The following ASAP1 variants were observed in gnomAD, a reference collection of about 807,000 sequenced individuals.
The protein encoded by ASAP1 is arf-GAP with SH3 domain, ANK repeat and PH domain-containing protein 1.
ASAP1 carries 43 observed loss-of-function variants against 145.2 expected under a neutral mutation model. The observed-to-expected ratio is 0.30, with a 90% CI of 0.23 to 0.38. ASAP1 has a LOEUF of 0.38. ASAP1 is among the 10% of genes least tolerant of loss of function. The pLI is 1.00. For missense variants in ASAP1, 1,018 were observed against 1,355.3 expected, an observed-to-expected ratio of 0.75 and a Z score of 3.91; for synonymous variants, 546 against 515.5, an observed-to-expected ratio of 1.06 and a Z score of -0.80.
intron 3 of ASAP1, among the ~76,000 whole-genome samples, chr8:130,246,417 G>A (rs189934639): frequency 1.4e-4 from 22 of 152,268 alleles, no homozygotes; most frequent in African/African-American, 5.1e-4. Context: ...ATCCCCACAT[G>A]TCAGGGAAGG....
At chr8:130,122,489 A>C (rs1179064669) in intron 18 of ASAP1, among the ~76,000 whole-genome samples, 1 of 152,190 alleles carries the variant, frequency 6.6e-6, no homozygotes, top group African/African-American at 2.4e-5. Flanking sequence ...CAATAATAAT[A>C]ATAACAGATA....
chr8:130,061,330 TAGAAAC>T (rs1343650640), intron 27 of ASAP1, among the ~76,000 whole-genome samples: 2 of 152,108 alleles, frequency 1.3e-5, no homozygotes, highest in Admixed American at 6.6e-5. Flanking sequence ...AAAAAATAAA[TAGAAAC>T]AGATTGCAGA....
chr8:130,159,805 A>G, intron 12 of ASAP1, 59 bp downstream of exon 12: 1 of 1,353,286 alleles, frequency 7.4e-7, no homozygotes, highest in Non-Finnish European at 1.1e-6. Flanking sequence ...TATATGAGAG[A>G]CTGGAAACAT....
At chr8:130,350,593 T>C (rs566318238) in intron 3 of ASAP1, among the ~76,000 whole-genome samples, 1 of 152,328 alleles carries the variant, frequency 6.6e-6, no homozygotes, top group South Asian at 2.1e-4. Flanking sequence ...ATCAAACACA[T>C]TTGGCATGAG....
chr8:130,139,223 G>A (rs962338466), intron 13 of ASAP1, among the ~76,000 whole-genome samples: 1 of 152,152 alleles, frequency 6.6e-6, no homozygotes, highest in Non-Finnish European at 1.5e-5. Flanking sequence ...GCTAGGGGGT[G>A]ACTTAATGAC....
intron 24 of ASAP1, among the ~76,000 whole-genome samples, chr8:130,101,732 ATTTTTTT>A (rs59778799): frequency 3.4e-5 from 3 of 86,968 alleles, no homozygotes; most frequent in African/African-American, 5.5e-5. Flanking sequence ...CACCTGGTTA[ATTTTTTT>A]TTTTTTTTTT....
chr8:130,054,845 G>C, intron 29 of ASAP1, 40 bp from the exon 30 acceptor site: 1 of 1,554,078 alleles, frequency 6.4e-7, no homozygotes, highest in Non-Finnish European at 8.9e-7. Context: ...GGAGGCAGCA[G>C]GCAGTGGCCC....
intron 27 of ASAP1, among the ~76,000 whole-genome samples, chr8:130,061,428 C>T (rs2097419313): frequency 6.6e-6 from 1 of 152,078 alleles, no homozygotes; most frequent in South Asian, 2.1e-4. Context: ...TTTTAATTTT[C>T]CTATATATTT....
chr8:130,339,047 G>A (rs1825214423), intron 3 of ASAP1, among the ~76,000 whole-genome samples: 1 of 152,224 alleles, frequency 6.6e-6, no homozygotes, highest in African/African-American at 2.4e-5. Context: ...CACCTGAGGA[G>A]AGAGGGGGAA....
At chr8:130,093,032 C>G (rs1431118474) in intron 24 of ASAP1, among the ~76,000 whole-genome samples, 1 of 151,844 alleles carries the variant, frequency 6.6e-6, no homozygotes, top group African/African-American at 2.4e-5. Flanking sequence ...TCCAAAAACC[C>G]TTTGCTCTAG....
intron 1 of ASAP1, among the ~76,000 whole-genome samples, chr8:130,430,265 T>G (rs528807417): frequency 2.6e-5 from 4 of 152,216 alleles, no homozygotes; most frequent in African/African-American, 9.7e-5. Flanking sequence ...TAAGTGGATA[T>G]GAAGGACTCA....
At chr8:130,384,761 C>T (rs1827935146) in intron 2 of ASAP1, among the ~76,000 whole-genome samples, 1 of 152,176 alleles carries the variant, frequency 6.6e-6, no homozygotes, top group Admixed American at 6.5e-5. Flanking sequence ...GAATGTTGGG[C>T]AAGTTACCCT....
chr8:130,328,543 G>A (rs1272990153), intron 3 of ASAP1, among the ~76,000 whole-genome samples: 1 of 151,852 alleles, frequency 6.6e-6, no homozygotes, highest in Non-Finnish European at 1.5e-5. Flanking sequence ...TTATTTTCAT[G>A]AGAGATGTGG....
At chr8:130,166,943 T>C (rs548922470) in intron 11 of ASAP1, among the ~76,000 whole-genome samples, 24 of 152,200 alleles carry the variant, frequency 1.6e-4, no homozygotes, top group Non-Finnish European at 2.6e-4. Context: ...AAGAGGAAAG[T>C]TGTAGAATGT....
At chr8:130,091,074 T>C (rs1040028061) in intron 25 of ASAP1, among the ~76,000 whole-genome samples, 2 of 152,202 alleles carry the variant, frequency 1.3e-5, no homozygotes, top group African/African-American at 4.8e-5. Flanking sequence ...CCCTTGTAGA[T>C]GGGAATTTGT....
intron 3 of ASAP1, among the ~76,000 whole-genome samples, chr8:130,323,358 T>G (rs879308857): frequency 1.3e-5 from 2 of 152,210 alleles, no homozygotes; most frequent in Non-Finnish European, 2.9e-5. Context: ...GAACATACTT[T>G]CTTTAGCCAC....
chr8:130,303,264 T>C (rs1380119029), intron 3 of ASAP1, among the ~76,000 whole-genome samples: 1 of 152,234 alleles, frequency 6.6e-6, no homozygotes, highest in African/African-American at 2.4e-5. Context: ...CCAACTATTC[T>C]AGCACAGCAA....
chr8:130,086,512 A>G (rs1469862488), intron 25 of ASAP1, among the ~76,000 whole-genome samples: 1 of 152,230 alleles, frequency 6.6e-6, no homozygotes, highest in African/African-American at 2.4e-5. Context: ...ACCTGTATTA[A>G]GAATTTATGG....
chr8:130,356,463 C>T (rs1586897551), intron 3 of ASAP1, among the ~76,000 whole-genome samples: 1 of 152,010 alleles, frequency 6.6e-6, no homozygotes, highest in South Asian at 2.1e-4. Flanking sequence ...AAGACAGACC[C>T]ATGATGGGGT....
Sources: allele counts gnomAD v4.1 joint callset (sites outside exome capture counted in the v4.1 genomes callset), GRCh38; gene constraint gnomAD v4.1.1; transcripts MANE v1.5; gene names NCBI Gene and HGNC (gene_info 2026-07-23, HGNC 2026-07-21).